The following PALM2AKAP2 variants were observed in gnomAD, a reference collection of about 807,000 sequenced individuals.
PALM2AKAP2 encodes PALM2 and AKAP2 fusion, also known as PALM2-AKAP2 fusion protein.
A neutral mutation model predicts 71.5 loss-of-function variants in PALM2AKAP2; 37 were observed. The observed-to-expected ratio is 0.52, with a 90% CI of 0.40 to 0.68. PALM2AKAP2 has a LOEUF of 0.68. Ranked by LOEUF, PALM2AKAP2 falls within the 30% of genes least tolerant of loss-of-function variation. PALM2AKAP2 has a pLI of 0.00. For synonymous variants in PALM2AKAP2, 468 were observed against 478.8 expected, an observed-to-expected ratio of 0.98 and a Z score of 0.29; for missense variants, 1,224 against 1,191.8, an observed-to-expected ratio of 1.03 and a Z score of -0.40.
At chr9:109,811,639 A>G (rs542577827) in intron 1 of PALM2AKAP2, among the ~76,000 whole-genome samples, 1 of 152,100 alleles carries the variant, frequency 6.6e-6, no homozygotes, top group Non-Finnish European at 1.5e-5. Flanking sequence ...TACCATGATC[A>G]TAGCTCACTG....
exon 2 of PALM2AKAP2, chr9:110,137,854 C>T (rs764955073): frequency 6.2e-6 from 10 of 1,614,040 alleles, no homozygotes; most frequent in East Asian, 4.5e-5. Flanking sequence ...GAGGAGAAGG[C>T]GTCTCCAAGT....
intron 6 of PALM2AKAP2, among the ~76,000 whole-genome samples, chr9:109,974,520 A>G (rs1020535766): frequency 2.0e-5 from 3 of 151,996 alleles, no homozygotes; most frequent in Admixed American, 6.6e-5. Context: ...CCCAGATTTG[A>G]TCTGATTTTG....
chr9:110,081,537 T>A (rs1321399617), intron 1 of PALM2AKAP2, among the ~76,000 whole-genome samples: 1 of 152,154 alleles, frequency 6.6e-6, no homozygotes, highest in Non-Finnish European at 1.5e-5. Flanking sequence ...TGTGGTGTTT[T>A]GTTTACTGCT....
intron 1 of PALM2AKAP2, among the ~76,000 whole-genome samples, chr9:109,800,845 C>T (rs926201336): frequency 2.6e-5 from 4 of 152,188 alleles, no homozygotes; most frequent in South Asian, 2.1e-4. Context: ...GGAAACTCTG[C>T]GTGCTTTAAT....
At chr9:109,655,848 T>G (rs1394260439) in intron 1 of PALM2AKAP2, among the ~76,000 whole-genome samples, 1 of 152,244 alleles carries the variant, frequency 6.6e-6, no homozygotes, top group Non-Finnish European at 1.5e-5. Context: ...GATGGACATT[T>G]GGGTTGTTTC....
intron 1 of PALM2AKAP2, among the ~76,000 whole-genome samples, chr9:109,834,722 G>A (rs1828408456): frequency 6.6e-6 from 1 of 152,146 alleles, no homozygotes; most frequent in Admixed American, 6.5e-5. Flanking sequence ...TGAGTATGGT[G>A]AAGGACCTCT....
intron 7 of PALM2AKAP2, among the ~76,000 whole-genome samples, chr9:110,034,211 G>A (rs934676851): frequency 2.6e-5 from 4 of 152,200 alleles, no homozygotes; most frequent in African/African-American, 9.6e-5. Flanking sequence ...AGGCTGGAGT[G>A]CAACGGCGTG....
At chr9:109,729,870 A>C (rs1828529089) in intron 1 of PALM2AKAP2, among the ~76,000 whole-genome samples, 1 of 152,206 alleles carries the variant, frequency 6.6e-6, no homozygotes, top group African/African-American at 2.4e-5. Context: ...GTGAGAATGC[A>C]ATAGGTTGAT....
chr9:109,905,737 G>T (rs569006027), intron 3 of PALM2AKAP2, among the ~76,000 whole-genome samples: 22 of 152,330 alleles, frequency 1.4e-4, no homozygotes, highest in African/African-American at 4.8e-4. Flanking sequence ...GACTTCAGAT[G>T]ATATCAGTTC....
At chr9:109,784,357 A>C (rs1204498301) in intron 1 of PALM2AKAP2, among the ~76,000 whole-genome samples, 1 of 152,242 alleles carries the variant, frequency 6.6e-6, no homozygotes, top group Non-Finnish European at 1.5e-5. Flanking sequence ...GAGTTGTGAA[A>C]CAATTCCCCA....
intron 1 of PALM2AKAP2, among the ~76,000 whole-genome samples, chr9:110,130,168 C>A (rs1835702548): frequency 6.6e-6 from 1 of 152,150 alleles, no homozygotes; most frequent in Admixed American, 6.5e-5. Context: ...TAATAGTGAA[C>A]ATTTGCATTA....
intron 1 of PALM2AKAP2, among the ~76,000 whole-genome samples, chr9:109,716,770 G>C (rs569040069): frequency 6.6e-6 from 1 of 152,340 alleles, no homozygotes; most frequent in East Asian, 1.9e-4. Context: ...CCAATGATCT[G>C]TGAAAGTCGG....
At chr9:109,710,758 T>C (rs1222241008) in intron 1 of PALM2AKAP2, among the ~76,000 whole-genome samples, 1 of 152,300 alleles carries the variant, frequency 6.6e-6, no homozygotes, top group African/African-American at 2.4e-5. Context: ...GCAATAAGGA[T>C]ACTTGAACTC....
At position 109,837,879 on chromosome 9, in the gene PALM2AKAP2, C is replaced by G. The variant is rs528749382; in HGVS notation, c.46-29612C>G. ...TACAGGAGCACCCAGATTCATAAAA[C>G]AAGTCCTTAGAGACCTACGAAGAGA... On this transcript the variant is annotated intron_variant, in intron 1 of 9. Transcript: ENST00000302798. 1.1e-4 allele frequency among the ~76,000 whole-genome samples: 16 copies of G among 152,302 alleles called. No homozygotes were observed. The South Asian group carries it at 2.7e-3, about 26-fold the overall frequency.
intron 1 of PALM2AKAP2, among the ~76,000 whole-genome samples, chr9:109,656,186 C>T (rs1202478395): frequency 6.6e-6 from 1 of 152,100 alleles, no homozygotes; most frequent in Non-Finnish European, 1.5e-5. Flanking sequence ...AGGAGAGCTC[C>T]AGGCAAAAGG....
upstream of PALM2AKAP2, among the ~76,000 whole-genome samples, chr9:109,775,688 C>T (rs570115958): frequency 2.6e-5 from 4 of 152,326 alleles, no homozygotes; most frequent in African/African-American, 9.6e-5. Context: ...CTTCAGGTTG[C>T]TGGGAAATGT....
At chr9:110,089,284 G>A (rs1834651590) in intron 1 of PALM2AKAP2, among the ~76,000 whole-genome samples, 1 of 152,178 alleles carries the variant, frequency 6.6e-6, no homozygotes, top group Admixed American at 6.5e-5. Context: ...CTGAAGCCAA[G>A]ACTAGTTATG....
At chr9:109,898,997 G>A (rs772470525) in intron 3 of PALM2AKAP2, among the ~76,000 whole-genome samples, 1 of 152,124 alleles carries the variant, frequency 6.6e-6, no homozygotes, top group African/African-American at 2.4e-5. Flanking sequence ...GTGCTTTGAG[G>A]TTCTTGACTT....
intron 1 of PALM2AKAP2, among the ~76,000 whole-genome samples, chr9:110,128,851 A>G (rs1382621271): frequency 1.3e-5 from 2 of 152,254 alleles, no homozygotes; most frequent in South Asian, 2.1e-4. Flanking sequence ...ATTTCTGTCC[A>G]TGACATGCCT....
Sources: allele counts gnomAD v4.1 joint callset (sites outside exome capture counted in the v4.1 genomes callset), GRCh38; gene constraint gnomAD v4.1.1; transcripts MANE v1.5; gene names NCBI Gene and HGNC (gene_info 2026-07-23, HGNC 2026-07-21).